The following KCNN2 variants were observed in gnomAD, a reference collection of about 807,000 sequenced individuals.
KCNN2 encodes the protein small conductance calcium-activated potassium channel protein 2.
KCNN2 carries 24 observed loss-of-function variants against 55.5 expected under a neutral mutation model. That is an observed-to-expected ratio of 0.43 (90% CI 0.31 to 0.61). The LOEUF is 0.61. Among genes scored for constraint, KCNN2 ranks in the 20% least tolerant of loss-of-function variants. The probability of loss-of-function intolerance (pLI) is 0.08; values close to 1 mark genes in which losing one functional copy is unlikely to be tolerated. For missense variants in KCNN2, 754 were observed against 853.6 expected (o/e 0.88, Z 1.45); for synonymous variants, 431 against 336.1 (o/e 1.28, Z -3.09).
chr5:114,477,971 T>C (rs1343015216), intron 5 of KCNN2, among the ~76,000 whole-genome samples: 2 of 152,190 alleles, frequency 1.3e-5, no homozygotes, highest in East Asian at 3.9e-4. Context: ...AGGATTTATT[T>C]CACATTGTCC....
intron 1 of KCNN2, among the ~76,000 whole-genome samples, chr5:114,086,278 C>T (rs1183668194): frequency 6.6e-6 from 1 of 151,826 alleles, no homozygotes; most frequent in Non-Finnish European, 1.5e-5. Flanking sequence ...CTCATTTATT[C>T]TGTTTTTCAG....
intron 1 of KCNN2, among the ~76,000 whole-genome samples, chr5:114,155,908 G>T (rs1283307080): frequency 1.3e-5 from 2 of 152,048 alleles, no homozygotes; most frequent in Non-Finnish European, 2.9e-5. Context: ...GTCAATTTTT[G>T]CTTTTGTTGT....
chr5:114,493,321 C>T lies in KCNN2; in HGVS notation c.2019-82C>T, dbSNP rs186817503. On this transcript the variant is annotated intron_variant, in intron 6 of 7. Transcript: ENST00000673685. ...TATCCATGCAGTTATTTGCTCTTGT[C>T]AATTTTGTGCATGCTCTTTGGAAGG... is the stretch of plus-strand genomic sequence containing the variant. The T allele has an allele frequency of 1.0e-4, 90 of 882,616 alleles. No individual in the cohort carries two copies. The African/African-American group carries it at 1.2e-3, about 12-fold the overall frequency. 54.7% of individuals were successfully genotyped at this position (882,616 alleles called of 1,614,324 possible). A position where few individuals can be genotyped will look rare whatever the true frequency, so the allele number is the denominator to read the frequency against.
At chr5:114,266,596 C>T (rs1327533769) in intron 2 of KCNN2, among the ~76,000 whole-genome samples, 2 of 152,154 alleles carry the variant, frequency 1.3e-5, no homozygotes, top group African/African-American at 4.8e-5. Context: ...CTACTACTTC[C>T]TGCTCTGCAT....
At chr5:114,288,772 A>G (rs1755817321) in intron 2 of KCNN2, among the ~76,000 whole-genome samples, 1 of 152,110 alleles carries the variant, frequency 6.6e-6, no homozygotes, top group African/African-American at 2.4e-5. Context: ...AACCCTTGTT[A>G]GATATATGAT....
At chr5:114,273,662 G>A (rs1195217907) in intron 2 of KCNN2, among the ~76,000 whole-genome samples, 2 of 152,308 alleles carry the variant, frequency 1.3e-5, no homozygotes, top group African/African-American at 4.8e-5. Context: ...TTTGAGAAGT[G>A]TCTGTTCATA....
intron 2 of KCNN2, among the ~76,000 whole-genome samples, chr5:114,236,519 A>T (rs1754495609): frequency 6.6e-6 from 1 of 152,142 alleles, no homozygotes; most frequent in Non-Finnish European, 1.5e-5. Flanking sequence ...AGTAAAAGCT[A>T]TACTCTGGTT....
At chr5:114,177,143 T>TG (rs980573017) in intron 1 of KCNN2, among the ~76,000 whole-genome samples, 2 of 150,646 alleles carry the variant, frequency 1.3e-5, no homozygotes, top group African/African-American at 4.9e-5. Flanking sequence ...ATATGCTGGT[T>TG]TTTTTTTTTT....
intron 2 of KCNN2, among the ~76,000 whole-genome samples, chr5:114,241,824 G>GTGTA (rs1180310046): frequency 6.3e-5 from 2 of 31,952 alleles, no homozygotes; most frequent in East Asian, 1.5e-3. Flanking sequence ...ATATATGTGT[G>GTGTA]TATATATATA....
intron 1 of KCNN2, among the ~76,000 whole-genome samples, chr5:114,143,953 C>T (rs1237006190): frequency 2.0e-5 from 3 of 152,088 alleles, no homozygotes; most frequent in Non-Finnish European, 4.4e-5. Context: ...ACAAATTATA[C>T]ACGAACAAAA....
At chr5:114,483,940 T>A (rs1268510481) in intron 5 of KCNN2, among the ~76,000 whole-genome samples, 1 of 152,158 alleles carries the variant, frequency 6.6e-6, no homozygotes, top group Non-Finnish European at 1.5e-5. Flanking sequence ...AGAGATTCAG[T>A]ACGTAGGTTG....
chr5:114,091,210 G>A (rs1442068604), intron 1 of KCNN2, among the ~76,000 whole-genome samples: 1 of 152,038 alleles, frequency 6.6e-6, no homozygotes, highest in Admixed American at 6.6e-5. Flanking sequence ...TTCCCCTGGT[G>A]GTCAGTCAAA....
rs1209243182 is a variant in KCNN2 at position 114,123,644 on chromosome 5, T to C, written c.-271+67144T>C. 1.3e-5 allele frequency among the ~76,000 whole-genome samples: 2 copies of C among 150,918 alleles called. 1 individual carries two copies. Among genetic ancestry groups the C allele is most frequent in the Non-Finnish European group, 2.9e-5 (2 of 67,850 alleles). On this transcript the variant is annotated intron_variant, in intron 1 of 10. Transcript: ENST00000512097. The stretch of plus-strand genomic sequence containing the variant: ...TCCCAAAGTGCTGGGATTACAGGCG[T>C]GAGCCACCGCGCCCGGCCTCATTTT...
chr5:114,374,444 C>T (rs563953507), intron 2 of KCNN2, among the ~76,000 whole-genome samples: 4 of 151,898 alleles, frequency 2.6e-5, no homozygotes, highest in Non-Finnish European at 4.4e-5. Context: ...TTTTCTTTTT[C>T]TGGACTGGGT....
intron 1 of KCNN2, among the ~76,000 whole-genome samples, chr5:114,162,588 C>T (rs543501109): frequency 6.6e-6 from 1 of 152,306 alleles, no homozygotes; most frequent in African/African-American, 2.4e-5. Context: ...TGTCTGTGCC[C>T]TGCCGCCAGA....
At chr5:114,393,396 C>G (rs1758514435) in intron 2 of KCNN2, among the ~76,000 whole-genome samples, 1 of 152,152 alleles carries the variant, frequency 6.6e-6, no homozygotes, top group African/African-American at 2.4e-5. Context: ...GCTGTGTACA[C>G]TGTCATTCAG....
intron 2 of KCNN2, among the ~76,000 whole-genome samples, chr5:114,375,503 C>T (rs368134318): frequency 1.8e-4 from 27 of 152,192 alleles, no homozygotes; most frequent in East Asian, 9.7e-4. Flanking sequence ...AAAGGTAAAT[C>T]ATCTGTCACT....
chr5:114,303,048 A>G (rs552363437), intron 2 of KCNN2, among the ~76,000 whole-genome samples: 1 of 152,348 alleles, frequency 6.6e-6, no homozygotes, highest in South Asian at 2.1e-4. Context: ...TACTGAAAAC[A>G]TTTTGCCAGG....
intron 2 of KCNN2, among the ~76,000 whole-genome samples, chr5:114,290,082 G>A (rs1020036094): frequency 3.3e-5 from 5 of 152,122 alleles, no homozygotes; most frequent in Non-Finnish European, 7.4e-5. Flanking sequence ...TCTTCTTGTG[G>A]TGTCTTTATC....
Sources: gnomAD v4.1 joint callset for allele counts (sites outside exome capture counted in the v4.1 genomes callset) on GRCh38, gnomAD v4.1.1 for gene constraint, MANE v1.5 for transcripts, NCBI Gene and HGNC (gene_info 2026-07-23, HGNC 2026-07-21) for gene names.